Variants in CSGALNACT1 observed in about 807,000 individuals in gnomAD.
CSGALNACT1 encodes the protein beta4GalNAcT-1.
A neutral mutation model predicts 51.0 loss-of-function variants in CSGALNACT1; 52 were observed. That is an observed-to-expected ratio of 1.02 (90% CI 0.82 to 1.29). The LOEUF (loss-of-function observed/expected upper bound fraction) is 1.29. CSGALNACT1 is among the 50% of genes most tolerant of loss of function. CSGALNACT1 has a pLI of 0.00. For synonymous variants in CSGALNACT1, 341 were observed against 254.4 expected, an observed-to-expected ratio of 1.34 and a Z score of -3.24; for missense variants, 935 against 679.2, an observed-to-expected ratio of 1.38 and a Z score of -4.19.
intron 1 of CSGALNACT1, among the ~76,000 whole-genome samples, chr8:19,634,923 T>C (rs1014696280): frequency 2.0e-5 from 3 of 152,182 alleles, no homozygotes; most frequent in Non-Finnish European, 2.9e-5. Flanking sequence ...TGTAATATAA[T>C]GATGATAACA....
intron 3 of CSGALNACT1, among the ~76,000 whole-genome samples, chr8:19,534,830 CT>C (rs1219526639): frequency 6.6e-6 from 1 of 152,152 alleles, no homozygotes; most frequent in Non-Finnish European, 1.5e-5. Context: ...ATTTGGCAAT[CT>C]TTTTTCTTCA....
chr8:19,720,732 C>G (rs1468320789), intron 1 of CSGALNACT1, among the ~76,000 whole-genome samples: 1 of 152,180 alleles, frequency 6.6e-6, no homozygotes, highest in Non-Finnish European at 1.5e-5. Flanking sequence ...AGGGAAAAAG[C>G]TTTCCTCCAT....
intron 3 of CSGALNACT1, among the ~76,000 whole-genome samples, chr8:19,529,382 C>G (rs1232867293): frequency 1.3e-5 from 2 of 152,134 alleles, no homozygotes; most frequent in Non-Finnish European, 2.9e-5. Context: ...GCCTTGACCA[C>G]TACTGGGCAT....
At position 19,507,542 on chromosome 8, in the gene CSGALNACT1, A is replaced by AT. The variant is rs1563800490; in HGVS notation, c.-296-1413_-296-1412insA. Among the ~76,000 whole-genome samples the AT allele has an allele frequency of 3.1e-4, 47 of 151,872 alleles. 1 individual carries two copies. The highest frequency in any genetic ancestry group is 1.1e-3 in the African/African-American group (46 of 41,466). ...CATCTTAGCCAGAAAAAAAAAAAAA[A>AT]AAAAAAAAAAGAATGATTAATGGAA... On this transcript the variant is annotated intron_variant, in intron 3 of 9. Transcript: ENST00000454498.
chr8:19,664,629 AC>A (rs1187106942), intron 1 of CSGALNACT1, among the ~76,000 whole-genome samples: 1 of 141,272 alleles, frequency 7.1e-6, no homozygotes, highest in Non-Finnish European at 1.6e-5. Flanking sequence ...ATGTATGTAC[AC>A]ACACACAAAC....
At chr8:19,422,422 G>A (rs1294389254) in intron 6 of CSGALNACT1, among the ~76,000 whole-genome samples, 1 of 152,074 alleles carries the variant, frequency 6.6e-6, no homozygotes, top group African/African-American at 2.4e-5. Flanking sequence ...GCTTCATGCG[G>A]TACTACTGCC....
At chr8:19,706,511 C>T (rs1376730775) in intron 1 of CSGALNACT1, among the ~76,000 whole-genome samples, 1 of 152,144 alleles carries the variant, frequency 6.6e-6, no homozygotes, top group Non-Finnish European at 1.5e-5. Context: ...TAAAGGAGTG[C>T]CTTTTCCTAG....
Position 19,517,260 on chromosome 8 carries a change from G to C in CSGALNACT1, c.-296-11130C>G, listed in dbSNP as rs887198289. ...CGAGATCAGCAGCCTGACCAACATG[G>C]AGAAAAACCATCTCTACTAAAAATA... On this transcript the variant is annotated intron_variant, in intron 3 of 9. Coordinates refer to ENST00000454498, the Ensembl canonical transcript of CSGALNACT1. 2.0e-5 allele frequency among the ~76,000 whole-genome samples: 3 copies of C among 152,106 alleles called. No homozygotes were observed. The East Asian group carries it at 5.8e-4, about 29-fold the overall frequency.
chr8:19,405,423 A>C, exon 10 of CSGALNACT1: 1 of 474,426 alleles, frequency 2.1e-6, no homozygotes, highest in South Asian at 1.5e-5. Context: ...CATGCTAATG[A>C]ATTTTTTACA....
intron 3 of CSGALNACT1, among the ~76,000 whole-genome samples, chr8:19,560,735 G>A (rs867304334): frequency 2.0e-5 from 3 of 152,156 alleles, no homozygotes; most frequent in Admixed American, 6.5e-5. Flanking sequence ...TGACAAAGAT[G>A]TAACACCACT....
chr8:19,647,744 G>A (rs2079803091), intron 1 of CSGALNACT1, among the ~76,000 whole-genome samples: 1 of 152,186 alleles, frequency 6.6e-6, no homozygotes, highest in Non-Finnish European at 1.5e-5. Context: ...ATACGATACA[G>A]GATATTAGAT....
chr8:19,711,010 T>C (rs1487499274), intron 1 of CSGALNACT1, among the ~76,000 whole-genome samples: 1 of 152,194 alleles, frequency 6.6e-6, no homozygotes, highest in Non-Finnish European at 1.5e-5. Flanking sequence ...CTGTGGTTCA[T>C]TGCCCCACCC....
intron 1 of CSGALNACT1, among the ~76,000 whole-genome samples, chr8:19,751,797 T>A (rs2065045442): frequency 6.6e-6 from 1 of 152,094 alleles, no homozygotes; most frequent in African/African-American, 2.4e-5. Context: ...TGTTGCCATG[T>A]GAAGATGTGC....
At chr8:19,521,276 G>A (rs1006177799) in intron 3 of CSGALNACT1, among the ~76,000 whole-genome samples, 27 of 152,130 alleles carry the variant, frequency 1.8e-4, no homozygotes, top group Admixed American at 1.6e-3. Context: ...TAGATATGAG[G>A]CTATTACAAT....
intron 3 of CSGALNACT1, among the ~76,000 whole-genome samples, chr8:19,511,638 T>C (rs2078487854): frequency 6.6e-6 from 1 of 152,208 alleles, no homozygotes; most frequent in Non-Finnish European, 1.5e-5. Flanking sequence ...CAATGGTCCC[T>C]GCCTCCTGGT....
At chr8:19,639,281 G>C (rs917270617) in intron 1 of CSGALNACT1, among the ~76,000 whole-genome samples, 2 of 152,188 alleles carry the variant, frequency 1.3e-5, no homozygotes, top group Admixed American at 1.3e-4. Flanking sequence ...TGGTTAAGAA[G>C]GGTTGTATTT....
rs370072129 is a variant in CSGALNACT1 at position 19,737,447 on chromosome 8, T to C, written c.-297+20403A>G. Among the ~76,000 whole-genome samples, 240 of 152,304 alleles carry C rather than the reference T, an allele frequency of 1.6e-3. 1 individual carries two copies. The highest frequency in any genetic ancestry group is 5.5e-3 in the African/African-American group (230 of 41,572). On this transcript the variant is annotated intron_variant, in intron 1 of 1. Coordinates refer to the CSGALNACT1 transcript ENST00000517494. ...GGTGGGGATCACAGTTTTCTAATAC[T>C]TTCTTTTAGGAAAAAGAAACATAAA...
chr8:19,707,870 G>A (rs559879948), intron 1 of CSGALNACT1, among the ~76,000 whole-genome samples: 19 of 152,222 alleles, frequency 1.2e-4, no homozygotes, highest in Admixed American at 1.1e-3. Context: ...GCGTGATGGC[G>A]CATGCCTGTA....
At chr8:19,652,408 T>C (rs573803056) in intron 1 of CSGALNACT1, among the ~76,000 whole-genome samples, 204 of 152,328 alleles carry the variant, frequency 1.3e-3, no homozygotes, top group African/African-American at 4.7e-3. Context: ...ACCATGACCA[T>C]GGATGCATAT....
Sources: allele counts gnomAD v4.1 joint callset (sites outside exome capture counted in the v4.1 genomes callset), GRCh38; gene constraint gnomAD v4.1.1; transcripts MANE v1.5; gene names NCBI Gene and HGNC (gene_info 2026-07-23, HGNC 2026-07-21).